CTIF: variants seen among roughly 807,000 people sequenced by gnomAD.
CTIF encodes CBP80/20-dependent translation initiation factor.
Under a neutral mutation model 66.0 loss-of-function variants are expected in CTIF, and 21 were observed. The ratio of observed to expected loss-of-function variants is 0.32; its 90% CI spans 0.23 to 0.46. The LOEUF (loss-of-function observed/expected upper bound fraction) is 0.46, where lower values mean the gene tolerates loss of function less well. Ranked by LOEUF, CTIF falls within the 20% of genes least tolerant of loss-of-function variation. CTIF has a pLI of 1.00. For synonymous variants in CTIF, 345 were observed against 326.4 expected, an observed-to-expected ratio of 1.06 and a Z score of -0.62; for missense variants, 739 against 812.7, an observed-to-expected ratio of 0.91 and a Z score of 1.10.
intron 6 of CTIF, among the ~76,000 whole-genome samples, chr18:48,697,501 C>G (rs549027052): frequency 6.6e-6 from 1 of 152,116 alleles, no homozygotes. Flanking sequence ...GGAAGATGTT[C>G]CAGGCTGAAG....
chr18:48,670,044 C>T (rs1172095812), intron 5 of CTIF, among the ~76,000 whole-genome samples: 3 of 151,426 alleles, frequency 2.0e-5, no homozygotes, highest in Admixed American at 2.0e-4. Flanking sequence ...ACAGGGTCCC[C>T]AGTTGGTAAG....
At chr18:48,577,403 T>C (rs957938047) in intron 1 of CTIF, among the ~76,000 whole-genome samples, 5 of 152,208 alleles carry the variant, frequency 3.3e-5, no homozygotes, top group African/African-American at 1.2e-4. Context: ...CCTTCTGCCA[T>C]ATTTTGTTTG....
chr18:48,737,787 C>G (rs1219055734), intron 7 of CTIF, among the ~76,000 whole-genome samples: 1 of 152,214 alleles, frequency 6.6e-6, no homozygotes, highest in Non-Finnish European at 1.5e-5. Flanking sequence ...GTTAGTAGCA[C>G]TAGATATCTC....
chr18:48,653,851 AC>A (rs2091200498), intron 3 of CTIF, among the ~76,000 whole-genome samples: 1 of 152,188 alleles, frequency 6.6e-6, no homozygotes, highest in Non-Finnish European at 1.5e-5. Context: ...TCTTTGACAA[AC>A]CTGACAAAAA....
intron 3 of CTIF, among the ~76,000 whole-genome samples, chr18:48,649,829 C>G (rs564175345): frequency 6.6e-6 from 1 of 152,204 alleles, no homozygotes; most frequent in African/African-American, 2.4e-5. Context: ...GATACCCAGG[C>G]AAACAGGGTC....
chr18:48,730,192 A>AGGTGTGAGGGGCTCCTGT (rs1368711282), intron 7 of CTIF, among the ~76,000 whole-genome samples: 2 of 141,982 alleles, frequency 1.4e-5, no homozygotes, highest in Non-Finnish European at 3.1e-5. Context: ...GGGGCCCCCG[A>AGGTGTGAGGGGCTCCTGT]GGTGTGAGGG....
intron 3 of CTIF, among the ~76,000 whole-genome samples, chr18:48,637,572 G>A (rs1568093648): frequency 6.6e-6 from 1 of 152,278 alleles, no homozygotes; most frequent in East Asian, 1.9e-4. Flanking sequence ...CTCATGTTCA[G>A]CTTCAGTCCA....
At chr18:48,693,904 TCTG>T (rs1471787759) in intron 6 of CTIF, among the ~76,000 whole-genome samples, 2 of 152,268 alleles carry the variant, frequency 1.3e-5, no homozygotes, top group Admixed American at 6.5e-5. Flanking sequence ...TTACAGGAAA[TCTG>T]CTGATCCCTG....
intron 9 of CTIF, among the ~76,000 whole-genome samples, chr18:48,803,425 A>C (rs1274083251): frequency 6.6e-6 from 1 of 152,164 alleles, no homozygotes; most frequent in South Asian, 2.1e-4. Flanking sequence ...GATAATCCTC[A>C]TCATATCACT....
chr18:48,717,405 A>G (rs2092292113), intron 7 of CTIF, among the ~76,000 whole-genome samples: 1 of 111,152 alleles, frequency 9.0e-6, no homozygotes, highest in Non-Finnish European at 1.8e-5. Flanking sequence ...TCTTTAAAAA[A>G]TAAATAAATA....
intron 3 of CTIF, among the ~76,000 whole-genome samples, chr18:48,639,839 C>T (rs1598785715): frequency 6.6e-6 from 1 of 152,176 alleles, no homozygotes; most frequent in Admixed American, 6.5e-5. Flanking sequence ...ATACCCACGT[C>T]CATGCATCTG....
chr18:48,765,206 C>G (rs1909405570), intron 9 of CTIF, among the ~76,000 whole-genome samples: 1 of 152,192 alleles, frequency 6.6e-6, no homozygotes, highest in South Asian at 2.1e-4. Flanking sequence ...ATGTTTGCAT[C>G]CCTTCCTGGC....
chr18:48,580,750 T>C (rs1437454270), intron 1 of CTIF, among the ~76,000 whole-genome samples: 2 of 152,306 alleles, frequency 1.3e-5, no homozygotes, highest in Non-Finnish European at 2.9e-5. Context: ...CCTCCTCCCA[T>C]CCTGAGGAGT....
At chr18:48,601,574 G>A (rs557005200) in intron 1 of CTIF, among the ~76,000 whole-genome samples, 1 of 152,300 alleles carries the variant, frequency 6.6e-6, no homozygotes, top group Admixed American at 6.5e-5. Context: ...ACCAGCCTGT[G>A]GGGAGTGGAA....
intron 3 of CTIF, among the ~76,000 whole-genome samples, chr18:48,644,228 T>C (rs2090985182): frequency 6.6e-6 from 1 of 152,180 alleles, no homozygotes. Flanking sequence ...TCGGCTCCAA[T>C]CAGCCAGTCA....
At chr18:48,644,642 G>A (rs1018029910) in intron 3 of CTIF, among the ~76,000 whole-genome samples, 1 of 152,194 alleles carries the variant, frequency 6.6e-6, no homozygotes, top group Admixed American at 6.5e-5. Flanking sequence ...CCATGCATTG[G>A]GTGCTTGCTG....
At chr18:48,798,726 TG>T (rs1358604713) in intron 9 of CTIF, among the ~76,000 whole-genome samples, 4 of 152,186 alleles carry the variant, frequency 2.6e-5, no homozygotes, top group African/African-American at 9.7e-5. Flanking sequence ...AGTTGTCCCA[TG>T]GGTGGGAGCA....
intron 5 of CTIF, among the ~76,000 whole-genome samples, chr18:48,666,191 C>A (rs2144941510): frequency 6.6e-6 from 1 of 152,210 alleles, no homozygotes; most frequent in African/African-American, 2.4e-5. Context: ...CCTTCCAGCC[C>A]TCCCCTGCTC....
chr18:48,617,247 C>A (rs1431014711), intron 1 of CTIF, among the ~76,000 whole-genome samples: 4 of 152,240 alleles, frequency 2.6e-5, no homozygotes. Flanking sequence ...AAGCCAGCAA[C>A]AGTGCATTGA....
Sources: allele counts gnomAD v4.1 joint callset (sites outside exome capture counted in the v4.1 genomes callset), GRCh38; gene constraint gnomAD v4.1.1; transcripts MANE v1.5; gene names NCBI Gene and HGNC (gene_info 2026-07-23, HGNC 2026-07-21).